ERC2: variants seen among roughly 807,000 people sequenced by gnomAD.
ERC2 encodes the protein ELKS/RAB6-interacting/CAST family member 2.
A neutral mutation model predicts 114.8 loss-of-function variants in ERC2; 42 were observed. That is an observed-to-expected ratio of 0.37 (90% CI 0.29 to 0.47). ERC2 has a LOEUF of 0.47. Ranked by LOEUF, ERC2 falls within the 20% of genes least tolerant of loss-of-function variation. The pLI is 0.99. For synonymous variants in ERC2, 454 were observed against 425.5 expected (o/e 1.07, Z -0.82); for missense variants, 939 against 1,150.7 (o/e 0.82, Z 2.66).
At chr3:55,837,401 AC>A (rs1265074624) in intron 14 of ERC2, among the ~76,000 whole-genome samples, 5 of 152,154 alleles carry the variant, frequency 3.3e-5, no homozygotes, top group Non-Finnish European at 7.3e-5. Context: ...TGGCACATAT[AC>A]ACCATGGAAT....
intron 2 of ERC2, among the ~76,000 whole-genome samples, chr3:56,350,581 C>T (rs763058995): frequency 3.1e-4 from 47 of 152,156 alleles, no homozygotes; most frequent in Middle Eastern, 3.4e-3. Flanking sequence ...CAGTGAAATG[C>T]TCATGGTAGA....
intron 2 of ERC2, among the ~76,000 whole-genome samples, chr3:56,299,108 T>G (rs1376736977): frequency 1.5e-4 from 21 of 140,728 alleles, no homozygotes; most frequent in East Asian, 9.9e-4. Flanking sequence ...TTTTTTTTGT[T>G]TTTTTTTTTT....
intron 2 of ERC2, among the ~76,000 whole-genome samples, chr3:56,389,800 A>C (rs1188950716): frequency 1.3e-5 from 2 of 152,212 alleles, no homozygotes; most frequent in Non-Finnish European, 2.9e-5. Flanking sequence ...TCATTCTCTG[A>C]GTAAACAGAT....
intron 15 of ERC2, among the ~76,000 whole-genome samples, chr3:55,729,837 C>CCAAAAAA (rs2065137590): frequency 6.5e-5 from 4 of 61,630 alleles, no homozygotes; most frequent in Non-Finnish European, 1.0e-4. Flanking sequence ...GACTCTATCG[C>CCAAAAAA]AAAAAAAAAA....
chr3:55,807,975 T>C (rs1032502715), intron 14 of ERC2, among the ~76,000 whole-genome samples: 3 of 152,190 alleles, frequency 2.0e-5, no homozygotes, highest in African/African-American at 7.2e-5. Flanking sequence ...TGCTTTAGCA[T>C]CAAGGGTTGA....
rs1391017514 is a variant in ERC2, at chr3:56,330,416, A to C, written c.658-33981T>G. ...AAGACAGTGGCCTATTTTGCAGATA[A>C]GTAACTAAAGATCTAGGAGGATGCT... On this transcript the variant is annotated intron_variant, in intron 2 of 17. Coordinates refer to ENST00000288221, the MANE Select transcript of ERC2 (RefSeq NM_015576.3). Among the ~76,000 whole-genome samples the C allele has an allele frequency of 2.0e-5, 3 of 152,226 alleles. No individual in the cohort carries two copies. The South Asian group carries it at 6.2e-4, about 31-fold the overall frequency.
In ERC2 at chr3:56,434,153, C is replaced by T. The variant is rs546337985; in HGVS notation, c.657+198G>A. 53 of 418,790 alleles carry T rather than the reference C, an allele frequency of 1.3e-4. 1 individual carries two copies. Among genetic ancestry groups the T allele is most frequent in the Non-Finnish European group, 1.7e-4 (38 of 227,410 alleles). The allele number at this position is 418,790 out of a possible 1,614,324, so 25.9% of individuals were successfully genotyped here. The stretch of plus-strand genomic sequence containing the variant: ...ATCTGCAACCATGTGAAAAGGTTAT[C>T]GGAAAATAAGGAAATTACAAGCTGT... On this transcript the variant is annotated intron_variant, in intron 2 of 17. Transcript: ENST00000288221.
intron 3 of ERC2, among the ~76,000 whole-genome samples, chr3:56,189,679 C>T (rs2083866745): frequency 2.0e-5 from 3 of 152,178 alleles, no homozygotes; most frequent in Admixed American, 1.3e-4. Flanking sequence ...TCTTGGCATC[C>T]CCCATAGAAT....
chr3:55,720,413 G>A (rs1278129991), intron 15 of ERC2, among the ~76,000 whole-genome samples: 1 of 149,538 alleles, frequency 6.7e-6, no homozygotes, highest in Non-Finnish European at 1.5e-5. Context: ...AGTCTCCCGA[G>A]TAGCTGAGAC....
At chr3:56,271,356 C>A (rs2053642881) in intron 3 of ERC2, among the ~76,000 whole-genome samples, 1 of 152,184 alleles carries the variant, frequency 6.6e-6, no homozygotes, top group African/African-American at 2.4e-5. Context: ...ATGCACAGTC[C>A]CTTGGGAAAT....
intron 14 of ERC2, among the ~76,000 whole-genome samples, chr3:55,744,875 AT>A (rs2148950260): frequency 6.6e-6 from 1 of 152,362 alleles, no homozygotes; most frequent in African/African-American, 2.4e-5. Flanking sequence ...CATCGTGAGA[AT>A]TAAGGGATCA....
chr3:55,944,756 C>T (rs2067021546), intron 13 of ERC2, among the ~76,000 whole-genome samples: 1 of 152,160 alleles, frequency 6.6e-6, no homozygotes, highest in South Asian at 2.1e-4. Flanking sequence ...CAGGGGCCTG[C>T]TATAGCAAAA....
At chr3:55,572,137 G>A (rs967023389) in intron 17 of ERC2, among the ~76,000 whole-genome samples, 2 of 152,248 alleles carry the variant, frequency 1.3e-5, no homozygotes, top group Admixed American at 1.3e-4. Flanking sequence ...TCATCATGAG[G>A]CATTCCAGCT....
At chr3:56,252,533 T>C (rs2052234618) in intron 3 of ERC2, among the ~76,000 whole-genome samples, 1 of 152,018 alleles carries the variant, frequency 6.6e-6, no homozygotes, top group Non-Finnish European at 1.5e-5. Context: ...GGTGGGCAGA[T>C]TGCCTGAGGT....
chr3:56,044,409 AC>A, intron 7 of ERC2, among the ~76,000 whole-genome samples: 1 of 151,938 alleles, frequency 6.6e-6, no homozygotes, highest in Middle Eastern at 3.4e-3. Context: ...ATGATCTTTT[AC>A]TTTTTTAAGA....
At chr3:55,925,932 C>A (rs1407142023) in intron 13 of ERC2, among the ~76,000 whole-genome samples, 1 of 152,094 alleles carries the variant, frequency 6.6e-6, no homozygotes, top group Non-Finnish European at 1.5e-5. Context: ...CCAGGCCATG[C>A]CTTAGATGAA....
intron 14 of ERC2, among the ~76,000 whole-genome samples, chr3:55,783,930 ACTACT>A (rs139812268): frequency 0.015 from 2,276 of 152,286 alleles, 15 homozygotes; most frequent in Non-Finnish European, 0.023. Flanking sequence ...TTCACCCCTA[ACTACT>A]CTACAGGTTA....
At chr3:56,268,111 A>C (rs1357944651) in intron 3 of ERC2, among the ~76,000 whole-genome samples, 1 of 152,220 alleles carries the variant, frequency 6.6e-6, no homozygotes, top group Admixed American at 6.5e-5. Flanking sequence ...GACGGACCAC[A>C]TATATGACAC....
intron 2 of ERC2, among the ~76,000 whole-genome samples, chr3:56,333,167 T>C (rs2057704311): frequency 6.6e-6 from 1 of 152,162 alleles, no homozygotes; most frequent in Non-Finnish European, 1.5e-5. Context: ...TTTCTTATGC[T>C]CTCTCTCCTA....
Sources: allele counts gnomAD v4.1 joint callset (sites outside exome capture counted in the v4.1 genomes callset), GRCh38; gene constraint gnomAD v4.1.1; transcripts MANE v1.5; gene names NCBI Gene and HGNC (gene_info 2026-07-23, HGNC 2026-07-21).